SSH2: variants seen among roughly 807,000 people sequenced by gnomAD.
The protein encoded by SSH2 is slingshot protein phosphatase 2.
A neutral mutation model predicts 135.2 loss-of-function variants in SSH2; 37 were observed. That is an observed-to-expected ratio of 0.27 (90% CI 0.21 to 0.36). The LOEUF is 0.36. SSH2 is among the 10% of genes least tolerant of loss of function. The pLI, the probability that SSH2 is intolerant of heterozygous loss-of-function variation, is 1.00. For missense variants in SSH2, 1,408 were observed against 1,765.3 expected, an observed-to-expected ratio of 0.80 and a Z score of 3.63; for synonymous variants, 628 against 646.2, an observed-to-expected ratio of 0.97 and a Z score of 0.43.
chr17:29,874,938 A>G (rs548919243), intron 1 of SSH2, among the ~76,000 whole-genome samples: 2 of 152,194 alleles, frequency 1.3e-5, no homozygotes, highest in East Asian at 1.9e-4. Flanking sequence ...CTTTCCCCCA[A>G]GTGATCCCAT....
intron 3 of SSH2, among the ~76,000 whole-genome samples, chr17:29,770,022 T>C (rs1265073381): frequency 6.6e-6 from 1 of 151,910 alleles, no homozygotes; most frequent in Non-Finnish European, 1.5e-5. Flanking sequence ...AATCCTCAAC[T>C]TCATCCTTTC....
chr17:29,818,678 A>G (rs2042601836), intron 2 of SSH2, among the ~76,000 whole-genome samples: 2 of 152,200 alleles, frequency 1.3e-5, no homozygotes, highest in Admixed American at 1.3e-4. Context: ...CCCCTCCTTT[A>G]TGTCTTATTC....
At chr17:29,839,223 C>T (rs1393129855) in intron 2 of SSH2, 4 of 152,428 alleles carry the variant, frequency 2.6e-5, no homozygotes, top group Non-Finnish European at 4.4e-5. Context: ...TGGCTGTGCA[C>T]AGTGGCTGGA....
At chr17:29,845,037 G>C (rs1351344636) in intron 2 of SSH2, among the ~76,000 whole-genome samples, 3 of 152,132 alleles carry the variant, frequency 2.0e-5, no homozygotes, top group Non-Finnish European at 2.9e-5. Context: ...TACTCCCCTG[G>C]GCCCAGTGAT....
intron 14 of SSH2, among the ~76,000 whole-genome samples, chr17:29,641,000 T>A (rs1426666737): frequency 2.0e-5 from 3 of 152,130 alleles, no homozygotes; most frequent in African/African-American, 4.8e-5. Flanking sequence ...ATTTCCCTTC[T>A]GTTGGTTCAA....
At chr17:29,886,489 G>A (rs925742030) in intron 1 of SSH2, among the ~76,000 whole-genome samples, 2 of 152,116 alleles carry the variant, frequency 1.3e-5, no homozygotes, top group African/African-American at 4.8e-5. Flanking sequence ...GCTCACACCT[G>A]TAATCCCAGC....
intron 3 of SSH2, among the ~76,000 whole-genome samples, chr17:29,710,614 G>A (rs1448719104): frequency 1.3e-5 from 2 of 152,200 alleles, no homozygotes; most frequent in Non-Finnish European, 2.9e-5. Context: ...CCACTAGGTG[G>A]AAAGGAATTC....
At chr17:29,715,023 CG>C (rs1280042674) in intron 3 of SSH2, among the ~76,000 whole-genome samples, 1 of 151,976 alleles carries the variant, frequency 6.6e-6, no homozygotes, top group Non-Finnish European at 1.5e-5. Flanking sequence ...CGCACCACTG[CG>C]CCCAGCTAAT....
At chr17:29,646,649 G>A (rs1218556274) in intron 14 of SSH2, among the ~76,000 whole-genome samples, 1 of 151,874 alleles carries the variant, frequency 6.6e-6, no homozygotes, top group Non-Finnish European at 1.5e-5. Flanking sequence ...ACAGGTGCCC[G>A]CCACCATGCC....
At chr17:29,697,493 C>A (rs770443035) in intron 4 of SSH2, among the ~76,000 whole-genome samples, 98 of 152,224 alleles carry the variant, frequency 6.4e-4, no homozygotes, top group Non-Finnish European at 9.1e-4. Context: ...GAAAGCCTTT[C>A]CTTTCTTCTC....
intron 2 of SSH2, among the ~76,000 whole-genome samples, chr17:29,797,791 G>C (rs929956733): frequency 6.6e-6 from 1 of 152,186 alleles, no homozygotes; most frequent in Non-Finnish European, 1.5e-5. Flanking sequence ...TGGAGGCTGA[G>C]GTGGGAGGAT....
chr17:29,649,968 C>A (rs888638849), intron 13 of SSH2, among the ~76,000 whole-genome samples: 1 of 152,182 alleles, frequency 6.6e-6, no homozygotes, highest in Admixed American at 6.5e-5. Flanking sequence ...CACTTCTCAT[C>A]TGCCAGGGAT....
chr17:29,771,887 A>C (rs908659416), intron 3 of SSH2, among the ~76,000 whole-genome samples: 2 of 152,184 alleles, frequency 1.3e-5, no homozygotes, highest in Non-Finnish European at 1.5e-5. Context: ...CTTCTCTGAA[A>C]TCAGGTGAAC....
intron 4 of SSH2, among the ~76,000 whole-genome samples, chr17:29,701,790 C>T (rs539354072): frequency 6.3e-4 from 95 of 151,970 alleles, no homozygotes; most frequent in African/African-American, 2.1e-3. Context: ...AGGCTGGTCT[C>T]GAACTTCTGA....
chr17:29,900,521 T>C (rs1013198783), intron 1 of SSH2, among the ~76,000 whole-genome samples: 6 of 152,070 alleles, frequency 3.9e-5, no homozygotes, highest in African/African-American at 1.4e-4. Context: ...AAAAGACACA[T>C]GAAAAAATGC....
At chr17:29,883,561 C>T (rs929268458) in intron 1 of SSH2, among the ~76,000 whole-genome samples, 3 of 152,146 alleles carry the variant, frequency 2.0e-5, no homozygotes, top group African/African-American at 7.2e-5. Context: ...TAAAACTGCA[C>T]ATTGGATACA....
At chr17:29,837,759 G>T (rs1158672326) in intron 2 of SSH2, among the ~76,000 whole-genome samples, 1 of 152,226 alleles carries the variant, frequency 6.6e-6, no homozygotes, top group Non-Finnish European at 1.5e-5. Context: ...GGTTGGCTGG[G>T]GCCACTGTGC....
chr17:29,872,002 T>C (rs949686327), intron 1 of SSH2, among the ~76,000 whole-genome samples: 4 of 152,312 alleles, frequency 2.6e-5, no homozygotes, highest in Admixed American at 2.6e-4. Context: ...TAATACAACA[T>C]AGGGAACTCT....
intron 2 of SSH2, among the ~76,000 whole-genome samples, chr17:29,817,217 C>CT (rs1357227505): frequency 6.6e-6 from 1 of 152,148 alleles, no homozygotes; most frequent in Non-Finnish European, 1.5e-5. Context: ...CACTGTTTTT[C>CT]TTTAACAACT....
Sources: allele counts gnomAD v4.1 joint callset (sites outside exome capture counted in the v4.1 genomes callset), GRCh38; gene constraint gnomAD v4.1.1; transcripts MANE v1.5; gene names NCBI Gene and HGNC (gene_info 2026-07-23, HGNC 2026-07-21).